The following LRRC4B variants were observed in gnomAD, a reference collection of about 807,000 sequenced individuals.
LRRC4B encodes the protein leucine rich repeat containing 4B, also known as leucine-rich repeat-containing protein 4B.
Under a neutral mutation model 7.3 loss-of-function variants are expected in LRRC4B, and 1 was observed. That is an observed-to-expected ratio of 0.14 (90% confidence interval 0.05 to 0.65). LRRC4B has a LOEUF of 0.65. Ranked by LOEUF, LRRC4B falls within the 30% of genes least tolerant of loss-of-function variation. LRRC4B has a pLI of 0.84. For missense variants in LRRC4B, 730 were observed against 1,041.6 expected (o/e 0.70, Z 4.12); for synonymous variants, 500 against 499.2 (o/e 1.00, Z -0.02).
At chr19:50,562,117 CAAA>C (rs11333930) in intron 1 of LRRC4B, among the ~76,000 whole-genome samples, 6,100 of 130,308 alleles carry the variant, frequency 0.047, 408 homozygotes, top group African/African-American at 0.16. Context: ...GACCCTGTCT[CAAA>C]AAAAAAAAAA....
chr19:50,528,999 C>T (rs1262033970), intron 2 of LRRC4B, among the ~76,000 whole-genome samples: 2 of 152,154 alleles, frequency 1.3e-5, no homozygotes, highest in African/African-American at 4.8e-5. Context: ...GCAGGAGAAG[C>T]AGGGGCTTGA....
At chr19:50,546,166 C>T (rs947498250) in intron 2 of LRRC4B, among the ~76,000 whole-genome samples, 3 of 151,936 alleles carry the variant, frequency 2.0e-5, no homozygotes, top group Non-Finnish European at 4.4e-5. Flanking sequence ...GAAACCTCGT[C>T]TCTACTAAAA....
intron 1 of LRRC4B, among the ~76,000 whole-genome samples, chr19:50,560,505 G>T (rs1471663908): frequency 3.9e-5 from 6 of 152,204 alleles, no homozygotes; most frequent in Admixed American, 3.9e-4. Context: ...AATGCCTGGG[G>T]CATAAAAGGA....
chr19:50,547,182 C>A (rs1160878365), intron 2 of LRRC4B, among the ~76,000 whole-genome samples: 3 of 152,170 alleles, frequency 2.0e-5, no homozygotes, highest in Non-Finnish European at 4.4e-5. Flanking sequence ...AGCAAACTGG[C>A]AGACATGGGA....
rs187092874 is a variant in LRRC4B at position 50,563,093 on chromosome 19, C to T, written c.-36+4851G>A. On this transcript the variant is annotated intron_variant, in intron 1 of 2. Transcript: ENST00000652263. This position sits in a 1 kb window ranked among gnomAD's most constrained non-coding sequence, Gnocchi z 4.9. ...GGATCCCAGATACTACCAGACACCC[C>T]CCATTCTCACTCTCAGCAGCCCTCC... is the stretch of plus-strand genomic sequence containing the variant. 6.6e-6 allele frequency among the ~76,000 whole-genome samples: 1 copy of T among 152,114 alleles called. No homozygotes were observed. The highest frequency in any genetic ancestry group is 1.5e-5 in the Non-Finnish European group (1 of 67,990).
intron 2 of LRRC4B, among the ~76,000 whole-genome samples, chr19:50,544,113 G>A (rs866226812): frequency 2.1e-4 from 32 of 150,358 alleles, no homozygotes; most frequent in African/African-American, 6.1e-4. Context: ...AGGCTGAGGC[G>A]GTAGAATTGC....
At chr19:50,564,136 C>G (rs911416562) in intron 1 of LRRC4B, among the ~76,000 whole-genome samples, 1 of 152,068 alleles carries the variant, frequency 6.6e-6, no homozygotes, top group Admixed American at 6.6e-5. Flanking sequence ...GATCCCGATG[C>G]TGGTTAGAGG....
At chr19:50,539,955 A>G (rs990626673) in intron 2 of LRRC4B, among the ~76,000 whole-genome samples, 6 of 152,072 alleles carry the variant, frequency 3.9e-5, no homozygotes, top group African/African-American at 1.4e-4. Flanking sequence ...AAACATAAAG[A>G]AGAAATTAAA....
intron 1 of LRRC4B, among the ~76,000 whole-genome samples, chr19:50,567,105 G>A (rs181949965): frequency 4.7e-5 from 7 of 147,516 alleles, no homozygotes; most frequent in Non-Finnish European, 1.0e-4. Context: ...GTGAGGGTCG[G>A]AAGCCTGGGG....
chr19:50,526,698 A>G (rs1980821619), intron 2 of LRRC4B, among the ~76,000 whole-genome samples: 1 of 152,226 alleles, frequency 6.6e-6, no homozygotes, highest in Non-Finnish European at 1.5e-5. Context: ...AAATTGTTAA[A>G]AAGTAATATA....
intron 2 of LRRC4B, among the ~76,000 whole-genome samples, chr19:50,521,932 T>C (rs1331714659): frequency 6.6e-6 from 1 of 151,814 alleles, no homozygotes; most frequent in Non-Finnish European, 1.5e-5. Flanking sequence ...TCCCAGCACT[T>C]TGGGAGGCCG....
intron 2 of LRRC4B, among the ~76,000 whole-genome samples, chr19:50,524,160 T>C (rs1980701610): frequency 6.6e-6 from 1 of 152,178 alleles, no homozygotes; most frequent in African/African-American, 2.4e-5. Context: ...TGGTAGAATC[T>C]GTGGCATAGG....
Position 50,519,947 on chromosome 19 carries a change from C to A in LRRC4B, c.298-532G>T, listed in dbSNP as rs895844973. ...GGGTGGCTCATGCCTGTAATCCCAG[C>A]ACTTTGGGAGGCTGAGGTGGGCAGA... is the stretch of plus-strand genomic sequence containing the variant. On this transcript the variant is annotated intron_variant, in intron 2 of 2. Coordinates refer to ENST00000652263, the MANE Select transcript of LRRC4B (RefSeq NM_001080457.2). This position sits in a 1 kb window ranked among gnomAD's most constrained non-coding sequence, Gnocchi z 8.1. Among the ~76,000 whole-genome samples, 2 of 151,936 alleles carry A rather than the reference C, an allele frequency of 1.3e-5. No homozygotes were observed. The highest frequency in any genetic ancestry group is 2.9e-5 in the Non-Finnish European group (2 of 68,002).
At chr19:50,530,131 G>A (rs1150928) in intron 2 of LRRC4B, among the ~76,000 whole-genome samples, 16,717 of 151,906 alleles carry the variant, frequency 0.11, 1,403 homozygotes, top group East Asian at 0.41. Context: ...GCCCAGCCCC[G>A]CCTCATCCTC....
Position 50,548,872 on chromosome 19 carries a change from G to C in LRRC4B, c.-34C>G. ...TTCATGCTCCGCGTGGACGCTGGGG[G>C]GCTGTGGGTGGGGGAGAGAAGGGGG... is the stretch of plus-strand genomic sequence containing the variant. On this transcript the variant is annotated splice_region_variant and 5_prime_UTR_variant, in exon 2 of 3. Coordinates refer to ENST00000652263, the MANE Select transcript of LRRC4B (RefSeq NM_001080457.2). The surrounding 1 kb of genome is among the most constrained non-coding windows in gnomAD (Gnocchi z 6.8). 1 of 1,411,380 alleles carries C rather than the reference G, an allele frequency of 7.1e-7. No individual in the cohort carries two copies. The highest frequency in any genetic ancestry group is 9.3e-7 in the Non-Finnish European group (1 of 1,074,034). 87.4% of individuals were successfully genotyped at this position (1,411,380 alleles called of 1,614,324 possible). A position where few individuals can be genotyped will look rare whatever the true frequency, so the allele number is the denominator to read the frequency against.
intron 2 of LRRC4B, among the ~76,000 whole-genome samples, chr19:50,525,183 G>A (rs1182197469): frequency 1.3e-5 from 2 of 152,176 alleles, no homozygotes; most frequent in African/African-American, 4.8e-5. Context: ...CCTGTCACTT[G>A]AGCTCTCTGT....
chr19:50,539,853 C>T (rs1385789134), intron 2 of LRRC4B, among the ~76,000 whole-genome samples: 1 of 149,500 alleles, frequency 6.7e-6, no homozygotes, highest in African/African-American at 2.5e-5. Flanking sequence ...CGCCACTGCA[C>T]TCCAGCCTGG....
Position 50,545,431 on chromosome 19 carries a change from A to G in LRRC4B, c.297+3111T>C, listed in dbSNP as rs574789258. ...CTCAAAAAAAAAAAAAAAAAAAAGA[A>G]TTAGCTGGGTGTGATGGTGTCTCCC... On this transcript the variant is annotated intron_variant, in intron 2 of 2. Transcript: ENST00000652263. Among the ~76,000 whole-genome samples, 38 of 149,836 alleles carry G rather than the reference A, an allele frequency of 2.5e-4. No homozygotes were observed. The East Asian group carries it at 7.5e-3, about 29-fold the overall frequency.
In LRRC4B at chr19:50,517,527, T is replaced by C; in HGVS notation, c.*44A>G. 1 of 1,377,528 alleles carries C rather than the reference T, an allele frequency of 7.3e-7. No individual in the cohort carries two copies. The highest frequency in any genetic ancestry group is 9.4e-7 in the Non-Finnish European group (1 of 1,065,276). 85.3% of individuals were successfully genotyped at this position (1,377,528 alleles called of 1,614,324 possible). A position where few individuals can be genotyped will look rare whatever the true frequency, so the allele number is the denominator to read the frequency against. ...GTCAGGCTGCGCCCGGGCTGGGACCTGGGTGGGGGGCTCCACGCCCCTCGC... is the reference window on the plus strand; with the variant it reads ...GTCAGGCTGCGCCCGGGCTGGGACCCGGGTGGGGGGCTCCACGCCCCTCGC... On this transcript the variant is annotated 3_prime_UTR_variant, in exon 3 of 3. Coordinates refer to ENST00000652263, the MANE Select transcript of LRRC4B (RefSeq NM_001080457.2). The surrounding 1 kb of genome is among the most constrained non-coding windows in gnomAD (Gnocchi z 6.6).
Sources: allele counts gnomAD v4.1 joint callset (sites outside exome capture counted in the v4.1 genomes callset), GRCh38; gene constraint gnomAD v4.1.1; non-coding constraint Gnocchi (gnomAD v3.1); transcripts MANE v1.5; gene names NCBI Gene and HGNC (gene_info 2026-07-23, HGNC 2026-07-21).